MAGI1: variants seen among roughly 807,000 people sequenced by gnomAD.
MAGI1 encodes the protein membrane-associated guanylate kinase, WW and PDZ domain-containing protein 1.
Under a neutral mutation model 139.9 loss-of-function variants are expected in MAGI1, and 58 were observed. The observed-to-expected ratio is 0.41, with a 90% CI of 0.34 to 0.52. The LOEUF (loss-of-function observed/expected upper bound fraction) is 0.52. Ranked by LOEUF, MAGI1 falls within the 20% of genes least tolerant of loss-of-function variation. MAGI1 has a pLI of 0.12. For synonymous variants in MAGI1, 812 were observed against 737.9 expected, an observed-to-expected ratio of 1.10 and a Z score of -1.63; for missense variants, 1,874 against 1,901.6, an observed-to-expected ratio of 0.99 and a Z score of 0.27.
intron 2 of MAGI1, among the ~76,000 whole-genome samples, chr3:65,609,396 G>C (rs576207476): frequency 2.6e-4 from 40 of 151,688 alleles, no homozygotes; most frequent in African/African-American, 9.2e-4. Context: ...TCCTGCCTCA[G>C]CCTCCCAACT....
chr3:65,807,609 C>T (rs1221675778), intron 1 of MAGI1, among the ~76,000 whole-genome samples: 1 of 152,138 alleles, frequency 6.6e-6, no homozygotes, highest in African/African-American at 2.4e-5. Flanking sequence ...GCCATCTCCA[C>T]CACACAGAGA....
chr3:65,389,879 G>A lies in MAGI1; in HGVS notation c.2416+1263C>T, dbSNP rs76103091. Among the ~76,000 whole-genome samples, 5 of 152,296 alleles carry A rather than the reference G, an allele frequency of 3.3e-5. No individual in the cohort carries two copies. The East Asian group carries it at 9.7e-4, about 29-fold the overall frequency. ...GCAGTAATATTTCTCCCTTGAGGAGGAAAAGGATGAAGCCCTGAGTGACTC... is the reference window on the plus strand; with the variant it reads ...GCAGTAATATTTCTCCCTTGAGGAGAAAAAGGATGAAGCCCTGAGTGACTC... On this transcript the variant is annotated intron_variant, in intron 14 of 22. Transcript: ENST00000402939.
At chr3:65,483,434 A>C (rs547333687) in intron 3 of MAGI1, among the ~76,000 whole-genome samples, 1 of 152,346 alleles carries the variant, frequency 6.6e-6, no homozygotes, top group East Asian at 1.9e-4. Flanking sequence ...CAATCAAGCA[A>C]AGTCTAGCCA....
intron 17 of MAGI1, chr3:65,379,046 G>A: frequency 1.1e-6 from 1 of 936,158 alleles, no homozygotes; most frequent in South Asian, 1.6e-5. Flanking sequence ...CACATTCTCA[G>A]TGTGGAAGTT....
chr3:65,365,104 T>G (rs191337777), intron 18 of MAGI1, 158 bp from the exon 19 acceptor site: 95 of 773,956 alleles, frequency 1.2e-4, no homozygotes, highest in Non-Finnish European at 1.9e-4. Context: ...AGGAGTTTAA[T>G]AAACCATTTT....
At chr3:65,814,611 C>T (rs932657533) in intron 1 of MAGI1, among the ~76,000 whole-genome samples, 1 of 152,198 alleles carries the variant, frequency 6.6e-6, no homozygotes, top group Admixed American at 6.5e-5. Context: ...AAAGCAAGCA[C>T]TTCATTTCTT....
At chr3:65,413,098 G>A (rs1042241029) in intron 12 of MAGI1, among the ~76,000 whole-genome samples, 7 of 149,942 alleles carry the variant, frequency 4.7e-5, no homozygotes, top group African/African-American at 9.9e-5. Context: ...AAAAATCTCA[G>A]ATCCTTTTCT....
rs546617194 is a variant in MAGI1 at position 65,546,083 on chromosome 3, C to T, written c.431-52452G>A. On this transcript the variant is annotated intron_variant, in intron 2 of 22. Coordinates refer to ENST00000402939, the MANE Select transcript of MAGI1 (RefSeq NM_001033057.2). ...CCTTCCAGTCCCTCCCCAGAAACAA[C>T]CAATGTTTTCTATGCACACGCACAA... Among the ~76,000 whole-genome samples the T allele has an allele frequency of 6.0e-4, 91 of 152,138 alleles. No homozygotes were observed. In the Middle Eastern group the frequency reaches 0.01, roughly 17 times the overall value.
At chr3:65,790,698 A>G (rs919707442) in intron 1 of MAGI1, among the ~76,000 whole-genome samples, 1 of 152,222 alleles carries the variant, frequency 6.6e-6, no homozygotes, top group African/African-American at 2.4e-5. Context: ...CCAAAGCATC[A>G]TGACATTTCA....
intron 17 of MAGI1, among the ~76,000 whole-genome samples, chr3:65,378,936 C>A (rs1942802936): frequency 6.6e-6 from 1 of 152,170 alleles, no homozygotes; most frequent in Admixed American, 6.5e-5. Context: ...CCCTCCTCGG[C>A]CTCCCAAAGT....
chr3:65,539,086 A>C (rs775848097), intron 2 of MAGI1, among the ~76,000 whole-genome samples: 68 of 152,154 alleles, frequency 4.5e-4, no homozygotes, highest in Non-Finnish European at 8.8e-4. Flanking sequence ...AGACACACGT[A>C]GCAACTACCA....
intron 1 of MAGI1, chr3:65,954,299 T>A (rs2064006445): frequency 1.3e-5 from 2 of 152,442 alleles, no homozygotes; most frequent in South Asian, 4.1e-4. Context: ...TTCCCACAGT[T>A]TTTTTCAGAA....
intron 2 of MAGI1, among the ~76,000 whole-genome samples, chr3:65,595,853 C>T (rs1335995652): frequency 6.6e-6 from 1 of 151,876 alleles, no homozygotes; most frequent in African/African-American, 2.4e-5. Context: ...TTAGGAGTAT[C>T]CTCATCAAGA....
intron 1 of MAGI1, among the ~76,000 whole-genome samples, chr3:65,991,307 T>TTA (rs1258512746): frequency 3.7e-5 from 4 of 109,318 alleles, no homozygotes; most frequent in Non-Finnish European, 3.9e-5. Flanking sequence ...AAAAAAAAGG[T>TTA]AAAAAAAAAA....
chr3:65,762,727 C>CA (rs11380605), intron 1 of MAGI1, among the ~76,000 whole-genome samples: 151,597 of 152,278 alleles, frequency 1, 75,466 homozygotes, highest in Middle Eastern at 1. Flanking sequence ...TGAATTCTTA[C>CA]ACCACCCACT....
chr3:65,471,449 G>A (rs898008642), intron 4 of MAGI1, among the ~76,000 whole-genome samples: 2 of 152,156 alleles, frequency 1.3e-5, no homozygotes, highest in African/African-American at 4.8e-5. Flanking sequence ...AGCTTTCTCT[G>A]ATGAGAAGCT....
In MAGI1 at chr3:65,493,620, A is replaced by T; in HGVS notation, c.442T>A (p.Ser148Thr). 6.2e-7 allele frequency: 1 copy of T among 1,614,130 alleles called. No individual in the cohort carries two copies. Among genetic ancestry groups the T allele is most frequent in the Non-Finnish European group, 8.5e-7 (1 of 1,180,036 alleles). ...CCAGGCACTTCTCCTTCTCTGGGAG[A>T]TCGGGTTGTGCCTGTAGCAGAAAAT... is the stretch of plus-strand genomic sequence containing the variant. ...YRHAVPCTTR[S>T]PREGEVPGVD... The change falls in exon 3 of 23, where the codon TCT becomes ACT. Residue 148 changes from serine (S) to threonine (T), a missense_variant. Transcript: ENST00000402939.
chr3:65,954,939 C>T (rs772852652), intron 1 of MAGI1, among the ~76,000 whole-genome samples: 2 of 152,138 alleles, frequency 1.3e-5, no homozygotes, highest in Non-Finnish European at 2.9e-5. Flanking sequence ...AGAGGTACAA[C>T]TGTTACCTCC....
chr3:65,917,098 C>T (rs2061944609), intron 1 of MAGI1, among the ~76,000 whole-genome samples: 1 of 152,164 alleles, frequency 6.6e-6, no homozygotes, highest in African/African-American at 2.4e-5. Context: ...CCTTCTTACA[C>T]ATAAAGAGAG....
Sources: gnomAD v4.1 joint callset for allele counts (sites outside exome capture counted in the v4.1 genomes callset) on GRCh38, gnomAD v4.1.1 for gene constraint, MANE v1.5 for transcripts, NCBI Gene and HGNC (gene_info 2026-07-23, HGNC 2026-07-21) for gene names.